The following SPATS2 variants were observed in gnomAD, a reference collection of about 807,000 sequenced individuals.
SPATS2 encodes the protein spermatogenesis associated serine rich 2, also known as spermatogenesis-associated serine-rich protein 2.
Under a neutral mutation model 63.7 loss-of-function variants are expected in SPATS2, and 38 were observed. The ratio of observed to expected loss-of-function variants is 0.60; its 90% CI spans 0.46 to 0.78. The LOEUF is 0.78. Ranked by LOEUF, SPATS2 falls within the 30% of genes least tolerant of loss-of-function variation. SPATS2 has a pLI of 0.00. For missense variants in SPATS2, 588 were observed against 666.2 expected (o/e 0.88, Z 1.29); for synonymous variants, 207 against 232.9 (o/e 0.89, Z 1.01).
At chr12:49,437,300 C>T (rs1945328665) in intron 2 of SPATS2, among the ~76,000 whole-genome samples, 1 of 151,552 alleles carries the variant, frequency 6.6e-6, no homozygotes, top group Non-Finnish European at 1.5e-5. Context: ...TCCTCACTTC[C>T]TAGATGGGAT....
intron 2 of SPATS2, chr12:49,390,183 G>T (rs2137241387): frequency 7.0e-7 from 1 of 1,432,498 alleles, no homozygotes; most frequent in South Asian, 1.2e-5. Context: ...CTGAGTCTGT[G>T]AGCTTCTTAC....
At chr12:49,455,408 C>CTA (rs1410957784) in intron 2 of SPATS2, among the ~76,000 whole-genome samples, 6 of 152,232 alleles carry the variant, frequency 3.9e-5, no homozygotes, top group African/African-American at 1.4e-4. Context: ...CCAAGGTCTC[C>CTA]TATAGTCTCT....
chr12:49,490,841 C>A, intron 6 of SPATS2, 110 bp downstream of exon 6: 2 of 1,068,924 alleles, frequency 1.9e-6, no homozygotes, highest in Non-Finnish European at 2.7e-6. Flanking sequence ...TTCTGTTTAC[C>A]TGGTTAAAAA....
chr12:49,484,316 A>G (rs1946253236), intron 3 of SPATS2, among the ~76,000 whole-genome samples: 1 of 152,240 alleles, frequency 6.6e-6, no homozygotes, highest in Non-Finnish European at 1.5e-5. Flanking sequence ...TGGGATAATT[A>G]ACAACGATAT....
intron 2 of SPATS2, among the ~76,000 whole-genome samples, chr12:49,447,412 C>T (rs895440454): frequency 2.0e-5 from 3 of 151,588 alleles, no homozygotes; most frequent in East Asian, 1.9e-4. Context: ...CTAATTTTTG[C>T]GTTTTTAGTA....
At position 49,496,887 on chromosome 12, in the gene SPATS2, AC is replaced by A; in HGVS notation, c.582del (p.Ser195LeufsTer40). 6.2e-7 allele frequency: 1 copy of A among 1,613,940 alleles called. No homozygotes were observed. The highest frequency in any genetic ancestry group is 1.1e-5 in the South Asian group (1 of 91,052). On this transcript the variant is annotated frameshift_variant, in exon 8 of 14. Transcript: ENST00000552918. LOFTEE classifies it high-confidence loss of function. ...SDFETKSLTM[H>X]SIHNSQQPRN... ...TTTGAGACCAAGTCTTTGACTATGC[AC>A]TCTATTCACAATTCTCAACAACCCA... is the stretch of plus-strand genomic sequence containing the variant.
intron 3 of SPATS2, chr12:49,462,178 C>A: frequency 1.6e-6 from 1 of 619,642 alleles, no homozygotes; most frequent in Non-Finnish European, 2.9e-6. Context: ...TTTGCCAGAG[C>A]TGTAGAAAAA....
rs947013132 is a variant in SPATS2 at position 49,458,848 on chromosome 12, A to G, written c.-243-1922A>G. Among the ~76,000 whole-genome samples, 289 of 152,104 alleles carry G rather than the reference A, an allele frequency of 1.9e-3. 5 individuals are homozygous for G. Among genetic ancestry groups the G allele is most frequent in the Non-Finnish European group, 1.5e-3 (105 of 68,008 alleles). ...ATGTTTAGTAATATAGAAAAACAGC[A>G]TTTGTATCTTTGTAATTTAAAGGAG... On this transcript the variant is annotated intron_variant, in intron 2 of 13. Coordinates refer to ENST00000552918, the MANE Select transcript of SPATS2 (RefSeq NM_023071.4).
chr12:49,381,391 T>C (rs1944219206), intron 2 of SPATS2, among the ~76,000 whole-genome samples: 1 of 152,228 alleles, frequency 6.6e-6, no homozygotes, highest in African/African-American at 2.4e-5. Context: ...GCCTAGTTTT[T>C]CCAAGTAGGA....
intron 2 of SPATS2, among the ~76,000 whole-genome samples, chr12:49,435,075 G>A (rs1945250314): frequency 7.4e-6 from 1 of 134,988 alleles, no homozygotes; most frequent in Admixed American, 8.5e-5. Context: ...CTGTCGCCCA[G>A]GTTGGAGTGC....
chr12:49,377,584 T>C (rs988479220), intron 2 of SPATS2, among the ~76,000 whole-genome samples: 1 of 152,198 alleles, frequency 6.6e-6, no homozygotes, highest in African/African-American at 2.4e-5. Context: ...TAGCCCCAAG[T>C]ATATTATTAA....
At chr12:49,491,838 A>G (rs1273887379) in intron 6 of SPATS2, among the ~76,000 whole-genome samples, 1 of 152,230 alleles carries the variant, frequency 6.6e-6, no homozygotes, top group East Asian at 1.9e-4. Context: ...GCTGGTCTCA[A>G]AATTCTTCCC....
chr12:49,391,623 G>A (rs1315225169), intron 2 of SPATS2, among the ~76,000 whole-genome samples: 4 of 151,604 alleles, frequency 2.6e-5, no homozygotes, highest in Non-Finnish European at 5.9e-5. Context: ...ATTTTCTAAT[G>A]TTGTGATTGT....
chr12:49,395,063 ACT>A (rs1156375219), intron 2 of SPATS2, among the ~76,000 whole-genome samples: 3 of 150,712 alleles, frequency 2.0e-5, no homozygotes, highest in African/African-American at 4.9e-5. Flanking sequence ...ATAGAGCGAG[ACT>A]CTGTCTCGGG....
chr12:49,508,784 C>T (rs1946695853), intron 9 of SPATS2, among the ~76,000 whole-genome samples: 1 of 151,194 alleles, frequency 6.6e-6, no homozygotes, highest in South Asian at 2.1e-4. Flanking sequence ...AAACTTGAGG[C>T]CAGGTGCAGT....
chr12:49,403,044 AG>A (rs1944633923), intron 2 of SPATS2, among the ~76,000 whole-genome samples: 1 of 152,072 alleles, frequency 6.6e-6, no homozygotes, highest in Non-Finnish European at 1.5e-5. Flanking sequence ...GAGTGGAGAA[AG>A]GGGGTGAGAG....
intron 2 of SPATS2, among the ~76,000 whole-genome samples, chr12:49,401,201 A>G (rs181292222): frequency 2.1e-4 from 32 of 152,152 alleles, no homozygotes; most frequent in South Asian, 4.2e-4. Flanking sequence ...TGTAGAGACA[A>G]GGTCTCCCTA....
At chr12:49,507,081 A>G (rs2137992426) in intron 9 of SPATS2, among the ~76,000 whole-genome samples, 1 of 152,314 alleles carries the variant, frequency 6.6e-6, no homozygotes, top group African/African-American at 2.4e-5. Flanking sequence ...AACTATAAGA[A>G]TACTCCATCT....
At chr12:49,401,965 TATTGATTG>T (rs762636690) in intron 2 of SPATS2, among the ~76,000 whole-genome samples, 3 of 152,072 alleles carry the variant, frequency 2.0e-5, no homozygotes, top group African/African-American at 7.2e-5. Context: ...GTTTTTGTTT[TATTGATTG>T]ATTGATTGGT....
Sources: gnomAD v4.1 joint callset for allele counts (sites outside exome capture counted in the v4.1 genomes callset) on GRCh38, gnomAD v4.1.1 for gene constraint, MANE v1.5 for transcripts, NCBI Gene and HGNC (gene_info 2026-07-23, HGNC 2026-07-21) for gene names.